TRPA1: variants seen among roughly 807,000 people sequenced by gnomAD.
The protein encoded by TRPA1 is ankyrin-like with transmembrane domains 1.
A neutral mutation model predicts 131.3 loss-of-function variants in TRPA1; 129 were observed. The ratio of observed to expected loss-of-function variants is 0.98; its 90% confidence interval spans 0.85 to 1.14. The LOEUF (loss-of-function observed/expected upper bound fraction) is 1.14. TRPA1 is among the 50% of genes most tolerant of loss of function. TRPA1 has a pLI of 0.00. For synonymous variants in TRPA1, 441 were observed against 451.7 expected (o/e 0.98, Z 0.30); for missense variants, 1,304 against 1,354.2 (o/e 0.96, Z 0.58).
the TRPA1 span, among the ~76,000 whole-genome samples, chr8:72,082,910 T>C: frequency 6.6e-6 from 1 of 152,024 alleles, no homozygotes; most frequent in Non-Finnish European, 1.5e-5. Context: ...TTTCTCTTGC[T>C]CTTTTCTTTT....
chr8:72,070,741 G>A (rs1251399413), intron 2 of TRPA1, among the ~76,000 whole-genome samples: 1 of 152,124 alleles, frequency 6.6e-6, no homozygotes, highest in Non-Finnish European at 1.5e-5. Flanking sequence ...TAGCAATTTT[G>A]TGATCCCCTA....
chr8:72,033,445 G>A (rs1350526702), intron 23 of TRPA1, among the ~76,000 whole-genome samples, 199 bp downstream of exon 23: 1 of 152,200 alleles, frequency 6.6e-6, no homozygotes. Context: ...TTTGCCAAGT[G>A]CATGCATCTT....
In TRPA1 at chr8:72,063,537, T is replaced by G; in HGVS notation, c.587A>C (p.Lys196Thr). 5 of 1,613,760 alleles carry G rather than the reference T, an allele frequency of 3.1e-6. No individual in the cohort carries two copies. Among genetic ancestry groups the G allele is most frequent in the Non-Finnish European group, 4.2e-6 (5 of 1,179,792 alleles). ...KKGAKPCKSN[K>T]WGCFPIHQAA... ...TTGGTGAATAGGGAAACATCCCCATTTATTTGATTTACATGGCTTAGCTCC... is the reference window on the plus strand; with the variant it reads ...TTGGTGAATAGGGAAACATCCCCATGTATTTGATTTACATGGCTTAGCTCC... Residue 196 changes from lysine to threonine, a missense_variant, in exon 5 of 27, where the codon AAA becomes ACA. Lys to Thr is a moderately conservative substitution (Grantham distance 78). Transcript: ENST00000262209.
chr8:72,028,952 T>C (rs1811703472), intron 24 of TRPA1, among the ~76,000 whole-genome samples: 1 of 152,228 alleles, frequency 6.6e-6, no homozygotes, highest in Non-Finnish European at 1.5e-5. Context: ...AGTTTCTGAA[T>C]GCGTATAGTC....
intron 8 of TRPA1, among the ~76,000 whole-genome samples, chr8:72,059,114 C>A (rs1410702031): frequency 6.6e-6 from 1 of 152,212 alleles, no homozygotes; most frequent in African/African-American, 2.4e-5. Flanking sequence ...ATGGGAACAG[C>A]TTTCCTTGCA....
intron 17 of TRPA1, among the ~76,000 whole-genome samples, 162 bp downstream of exon 17, chr8:72,046,351 C>A (rs929459232): frequency 3.3e-5 from 5 of 151,442 alleles, no homozygotes; most frequent in Non-Finnish European, 5.9e-5. Flanking sequence ...ATTTTAGAAC[C>A]CAACTAGAAA....
In TRPA1 at chr8:72,023,029, C is replaced by T. The variant is rs767956066; in HGVS notation, c.3237G>A (p.Glu1079=). 1 of 1,613,736 alleles carries T rather than the reference C, an allele frequency of 6.2e-7. No homozygotes were observed. The highest frequency in any genetic ancestry group is 8.5e-7 in the Non-Finnish European group (1 of 1,179,764). Residue 1079 remains glutamate, a synonymous_variant, in exon 27 of 27, where the codon GAG becomes GAA. Transcript: ENST00000262209. The part of the protein sequence containing the change: ...IQKMEIISET[E]DDDSHCSFQD... ...GAAAAGAACAATGGCTATCATCATC[C>T]TCTGTCTCAGAGATGATCTCCATCT...
chr8:72,047,350 T>C (rs528247955), intron 15 of TRPA1, 143 bp from the exon 16 acceptor site: 1 of 679,378 alleles, frequency 1.5e-6, no homozygotes, highest in African/African-American at 1.8e-5. Flanking sequence ...TTATAATCTA[T>C]GTCATTCAGG....
At position 72,075,460 on chromosome 8, in the gene TRPA1, C is replaced by A. The variant is rs1445558738; in HGVS notation, c.-51G>T. 6.8e-7 allele frequency: 1 copy of A among 1,470,392 alleles called. No homozygotes were observed. The highest frequency in any genetic ancestry group is 9.4e-7 in the Non-Finnish European group (1 of 1,061,164). The allele number at this position is 1,470,392 out of a possible 1,614,324, so 91.1% of individuals were successfully genotyped here. A position where few individuals can be genotyped will look rare whatever the true frequency, so the allele number is the denominator to read the frequency against. ...TGCAGCTGCTCACCACGCGCGCGGGCACCTGGGGCGAGAGAGCGCTGTCAG... is the reference window on the plus strand; with the variant it reads ...TGCAGCTGCTCACCACGCGCGCGGGAACCTGGGGCGAGAGAGCGCTGTCAG... On this transcript the variant is annotated 5_prime_UTR_variant, in exon 1 of 27. Transcript: ENST00000262209.
the TRPA1 span, among the ~76,000 whole-genome samples, chr8:72,088,930 A>G: frequency 6.6e-6 from 1 of 152,202 alleles, no homozygotes; most frequent in South Asian, 2.1e-4. Context: ...ATAAAAAGCC[A>G]AATCTGATAA....
intron 17 of TRPA1, among the ~76,000 whole-genome samples, chr8:72,042,054 T>C (rs1401891478): frequency 6.6e-6 from 1 of 151,874 alleles, no homozygotes; most frequent in Non-Finnish European, 1.5e-5. Context: ...AACAGGACTA[T>C]ATAAAGTTAA....
At chr8:72,085,136 T>C in the TRPA1 span, among the ~76,000 whole-genome samples, 1 of 152,204 alleles carries the variant, frequency 6.6e-6, no homozygotes, top group Non-Finnish European at 1.5e-5. Flanking sequence ...TTCATGTTAG[T>C]TTGTGATTTT....
intron 8 of TRPA1, 40 bp from the exon 9 acceptor site, chr8:72,057,856 C>G: frequency 7.1e-7 from 1 of 1,412,148 alleles, no homozygotes; most frequent in Non-Finnish European, 1.0e-6. Flanking sequence ...AGCTTAGAAA[C>G]AGATAAATCA....
chr8:72,060,953 T>C (rs1324605213), intron 7 of TRPA1, among the ~76,000 whole-genome samples: 1 of 151,956 alleles, frequency 6.6e-6, no homozygotes, highest in Admixed American at 6.6e-5. Context: ...TGCTTGTGTG[T>C]GTGTGCACGT....
At chr8:72,056,332 T>C (rs1239810972) in intron 10 of TRPA1, 1 of 168,598 alleles carries the variant, frequency 5.9e-6, no homozygotes, top group Non-Finnish European at 1.3e-5. Flanking sequence ...AGCTTAAGCC[T>C]ATCAATTAAT....
chr8:72,038,591 C>A (rs1322435486), intron 19 of TRPA1, among the ~76,000 whole-genome samples: 1 of 151,894 alleles, frequency 6.6e-6, no homozygotes. Flanking sequence ...TTCTTGTACA[C>A]CTATTTTAAA....
chr8:72,056,477 T>C (rs1805670580), intron 10 of TRPA1, among the ~76,000 whole-genome samples: 1 of 152,144 alleles, frequency 6.6e-6, no homozygotes, highest in Non-Finnish European at 1.5e-5. Flanking sequence ...TATTAGCTGG[T>C]GAATATAAAT....
intron 20 of TRPA1, 107 bp from the exon 21 acceptor site, chr8:72,036,564 G>T: frequency 9.1e-7 from 1 of 1,100,590 alleles, no homozygotes; most frequent in Non-Finnish European, 1.3e-6. Context: ...GCAGCCAGCT[G>T]GGGAGAAGTT....
intron 21 of TRPA1, among the ~76,000 whole-genome samples, chr8:72,036,025 A>G (rs1032320515): frequency 4.7e-5 from 7 of 149,946 alleles, no homozygotes; most frequent in African/African-American, 1.7e-4. Context: ...AAAAAAAAAA[A>G]AAAAAGAAGA....
Sources: gnomAD v4.1 joint callset for allele counts (sites outside exome capture counted in the v4.1 genomes callset) on GRCh38, gnomAD v4.1.1 for gene constraint, MANE v1.5 for transcripts, NCBI Gene and HGNC (gene_info 2026-07-23, HGNC 2026-07-21) for gene names.